Variants in STXBP6 observed in about 807,000 individuals in gnomAD.
STXBP6 encodes syntaxin binding protein 6.
In STXBP6, 21 loss-of-function variants were observed where a neutral mutation model predicts 26.9. The observed-to-expected ratio is 0.78, with a 90% CI of 0.55 to 1.12. STXBP6 has a LOEUF of 1.12. STXBP6 is among the 50% of genes most tolerant of loss of function. STXBP6 has a pLI of 0.00. For missense variants in STXBP6, 232 were observed against 257.9 expected (o/e 0.90, Z 0.69); for synonymous variants, 97 against 92.6 (o/e 1.05, Z -0.27).
chr14:24,979,453 T>C (rs1178218153), intron 1 of STXBP6, among the ~76,000 whole-genome samples: 1 of 152,232 alleles, frequency 6.6e-6, no homozygotes, highest in African/African-American at 2.4e-5. Context: ...TAGTCTTTCC[T>C]ACTTCAACGG....
chr14:25,034,348 C>A (rs2075515669), intron 1 of STXBP6, among the ~76,000 whole-genome samples: 1 of 152,190 alleles, frequency 6.6e-6, no homozygotes, highest in South Asian at 2.1e-4. Flanking sequence ...CTTTAAATGT[C>A]AATGGCATTT....
intron 2 of STXBP6, among the ~76,000 whole-genome samples, chr14:24,959,215 T>C (rs555518156): frequency 6.6e-6 from 1 of 152,264 alleles, no homozygotes; most frequent in African/African-American, 2.4e-5. Flanking sequence ...ATTTCTTTAC[T>C]AACATATCAG....
intron 2 of STXBP6, among the ~76,000 whole-genome samples, chr14:24,860,239 CCAAT>C (rs1416741195): frequency 6.6e-6 from 1 of 152,072 alleles, no homozygotes; most frequent in East Asian, 1.9e-4. Flanking sequence ...TTGCCTGTGC[CCAAT>C]CAGAGAATTC....
At chr14:24,855,881 G>A in intron 4 of STXBP6, 55 bp downstream of exon 4, 2 of 1,515,768 alleles carry the variant, frequency 1.3e-6, no homozygotes, top group Non-Finnish European at 1.8e-6. Context: ...AACTTCTTAA[G>A]TAAAAGTGAG....
Position 24,947,517 on chromosome 14 carries a change from C to T in STXBP6, c.154+27148G>A, listed in dbSNP as rs542560620. On this transcript the variant is annotated intron_variant, in intron 2 of 5. Transcript: ENST00000323944. The stretch of plus-strand genomic sequence containing the variant: ...TAAGAAGAGTCACTGCCAACTACAT[C>T]GGTAAGAAGTCAGGAATGAGAGGAA... Among the ~76,000 whole-genome samples, 302 of 152,284 alleles carry T rather than the reference C, an allele frequency of 2.0e-3. 1 individual carries two copies. Among genetic ancestry groups the T allele is most frequent in the Non-Finnish European group, 3.8e-3 (257 of 68,034 alleles).
chr14:24,872,931 T>C (rs1461132623), intron 2 of STXBP6, among the ~76,000 whole-genome samples: 1 of 152,242 alleles, frequency 6.6e-6, no homozygotes, highest in Non-Finnish European at 1.5e-5. Flanking sequence ...TGGGACTTTG[T>C]TGTGCCGAAT....
intron 2 of STXBP6, among the ~76,000 whole-genome samples, chr14:24,920,929 A>G (rs1477618558): frequency 1.3e-5 from 2 of 152,132 alleles, no homozygotes; most frequent in African/African-American, 4.8e-5. Context: ...GACCACTGAG[A>G]TAATGCAACC....
At chr14:24,996,434 C>T (rs1168132225) in intron 1 of STXBP6, among the ~76,000 whole-genome samples, 3 of 152,064 alleles carry the variant, frequency 2.0e-5, no homozygotes, top group Non-Finnish European at 2.9e-5. Context: ...TGCTATTGCC[C>T]TAGAAGCTCA....
intron 5 of STXBP6, chr14:24,816,338 G>A (rs1017759044): frequency 1.3e-5 from 2 of 152,166 alleles, no homozygotes; most frequent in African/African-American, 4.8e-5. Context: ...ACAGCTTCAT[G>A]GTCAGCCTAT....
intron 1 of STXBP6, among the ~76,000 whole-genome samples, chr14:25,004,111 A>C (rs1406098457): frequency 6.6e-6 from 1 of 152,166 alleles, no homozygotes; most frequent in Non-Finnish European, 1.5e-5. Context: ...TGATCGTGCA[A>C]ATTGAAGAGG....
At chr14:24,961,896 T>G (rs561493881) in intron 2 of STXBP6, among the ~76,000 whole-genome samples, 60 of 152,346 alleles carry the variant, frequency 3.9e-4, no homozygotes, top group African/African-American at 1.2e-3. Context: ...AATCATTAAT[T>G]AAATGTACCA....
intron 2 of STXBP6, among the ~76,000 whole-genome samples, chr14:24,933,686 CATTGTGTTGTCTCTACT>C (rs1424505701): frequency 6.6e-6 from 1 of 152,114 alleles, no homozygotes. Flanking sequence ...AGCTTCATCA[CATTGTGTTGTCTCTACT>C]TGAATACCAA....
Position 24,974,773 on chromosome 14 carries a change from C to T in STXBP6, c.46G>A (p.Asp16Asn), listed in dbSNP as rs1555335868. Residue 16 changes from aspartate (D) to asparagine (N), a missense_variant, in exon 2 of 6, where the codon GAT becomes AAT. Physicochemically the swap from Asp to Asn is conservative, Grantham distance 23. Transcript: ENST00000323944. The stretch of plus-strand genomic sequence containing the variant: ...TGGACAGCTCCCAGCATCCTTTCAT[C>T]AAGAGGTGCAAAAATTTCCTTGCTG... ...AISKEIFAPLDERMLGAVQVK... is the reference protein window; with the variant it reads ...AISKEIFAPLNERMLGAVQVK... 6.2e-7 allele frequency: 1 copy of T among 1,607,942 alleles called. No homozygotes were observed. Among genetic ancestry groups the T allele is most frequent in the East Asian group, 2.2e-5 (1 of 44,812 alleles).
intron 2 of STXBP6, among the ~76,000 whole-genome samples, chr14:24,966,552 T>C (rs2073740209): frequency 6.6e-6 from 1 of 152,208 alleles, no homozygotes; most frequent in African/African-American, 2.4e-5. Flanking sequence ...GAGAAGGCTG[T>C]TGTGAGGATT....
At chr14:24,836,323 G>A (rs1432085831) in intron 4 of STXBP6, among the ~76,000 whole-genome samples, 2 of 152,114 alleles carry the variant, frequency 1.3e-5, no homozygotes, top group Admixed American at 6.5e-5. Flanking sequence ...CAGACTGTGC[G>A]TGATGGCTCA....
chr14:24,945,383 T>C (rs554134009), intron 2 of STXBP6, among the ~76,000 whole-genome samples: 2 of 151,658 alleles, frequency 1.3e-5, no homozygotes, highest in Admixed American at 6.6e-5. Context: ...CTGGGCAACA[T>C]AGCAAGACAT....
At chr14:25,033,627 C>CT (rs1360708554) in intron 1 of STXBP6, among the ~76,000 whole-genome samples, 1 of 152,208 alleles carries the variant, frequency 6.6e-6, no homozygotes, top group East Asian at 1.9e-4. Flanking sequence ...CTCCCTCCCT[C>CT]TTTAACTCTA....
chr14:25,034,547 G>A (rs901513278), intron 1 of STXBP6, among the ~76,000 whole-genome samples: 71 of 152,056 alleles, frequency 4.7e-4, no homozygotes, highest in African/African-American at 4.8e-4. Context: ...CTCTAGTCAC[G>A]CACTGCCTCA....
intron 2 of STXBP6, among the ~76,000 whole-genome samples, chr14:24,931,134 A>AACAAAAAC (rs71121807): frequency 1.7e-5 from 2 of 117,976 alleles, no homozygotes; most frequent in Non-Finnish European, 3.4e-5. Context: ...AAAAAAAAAA[A>AACAAAAAC]AAAAAAAACC....
Sources: allele counts gnomAD v4.1 joint callset (sites outside exome capture counted in the v4.1 genomes callset), GRCh38; gene constraint gnomAD v4.1.1; transcripts MANE v1.5; gene names NCBI Gene and HGNC (gene_info 2026-07-23, HGNC 2026-07-21).